Variants in MFSD2A observed in about 807,000 individuals in gnomAD.
The protein encoded by MFSD2A is MFSD2 lysolipid transporter A, lysophospholipid, also known as sodium-dependent lysophosphatidylcholine symporter 1.
MFSD2A carries 27 observed loss-of-function variants against 64.7 expected under a neutral mutation model. The ratio of observed to expected loss-of-function variants is 0.42; its 90% CI spans 0.31 to 0.58. The LOEUF is 0.58. Ranked by LOEUF, MFSD2A falls within the 20% of genes least tolerant of loss-of-function variation. The probability of loss-of-function intolerance (pLI) is 0.18; values close to 1 mark genes in which losing one functional copy is unlikely to be tolerated. For synonymous variants in MFSD2A, 258 were observed against 273.4 expected, an observed-to-expected ratio of 0.94 and a Z score of 0.55; for missense variants, 474 against 679.5, an observed-to-expected ratio of 0.70 and a Z score of 3.36.
rs890639562 is a variant in MFSD2A at position 39,958,537 on chromosome 1, CATT to C, written c.229-159_229-157del. 39 of 1,050,586 alleles carry C rather than the reference CATT, an allele frequency of 3.7e-5. No homozygotes were observed. The Admixed American group carries it at 6.1e-4, about 16-fold the overall frequency. 65.1% of individuals were successfully genotyped at this position (1,050,586 alleles called of 1,614,324 possible). A position where few individuals can be genotyped will look rare whatever the true frequency, so the allele number is the denominator to read the frequency against. On this transcript the variant is annotated intron_variant, in intron 2 of 13. Coordinates refer to ENST00000372811, the MANE Select transcript of MFSD2A (RefSeq NM_032793.5). This position sits in a 1 kb window ranked among gnomAD's most constrained non-coding sequence, Gnocchi z 4.7. The stretch of plus-strand genomic sequence containing the variant: ...ACTGTTATTGGAGAAATGCTATTGT[CATT>C]ATTAACAAGGCAAGTGAAGATGTGT...
rs1054787929 is a variant in MFSD2A, at chr1:39,955,707, G to T, written c.93+322G>T. On this transcript the variant is annotated intron_variant, in intron 1 of 13. Transcript: ENST00000372811. The surrounding 1 kb of genome is among the most constrained non-coding windows in gnomAD (Gnocchi z 5.9). Reference sequence around the variant, plus strand: ...CTGGGGCTTGCCGCCCCAAACCCCAGAGATGACCCCAGAAATCTGGGAAAC... The same window carrying T: ...CTGGGGCTTGCCGCCCCAAACCCCATAGATGACCCCAGAAATCTGGGAAAC... The T allele has an allele frequency of 1.5e-4, 85 of 580,244 alleles. 2 individuals are homozygous for T. The Admixed American group carries it at 1.8e-3, about 12-fold the overall frequency. The allele number at this position is 580,244 out of a possible 1,614,324, so 35.9% of individuals were successfully genotyped here.
In MFSD2A at chr1:39,960,051, C is replaced by A. The variant is rs1015551721; in HGVS notation, c.353+1226C>A. 6.6e-6 allele frequency among the ~76,000 whole-genome samples: 1 copy of A among 152,242 alleles called. No individual in the cohort carries two copies. Among genetic ancestry groups the A allele is most frequent in the Non-Finnish European group, 1.5e-5 (1 of 68,046 alleles). On this transcript the variant is annotated intron_variant, in intron 3 of 13. Transcript: ENST00000372811. This position sits in a 1 kb window ranked among gnomAD's most constrained non-coding sequence, Gnocchi z 4.8. ...CGGAATGGGGTAGCAAACCCATAAC[C>A]TTTGGCACCTTGGATGACGTAAATT...
rs558926160 is a variant in MFSD2A at position 39,959,141 on chromosome 1, C to T, written c.353+316C>T. ...CCACTCTATCACTTCCTGCAGTGGCCGAGGTAGTACTTAAGAGTGGTTAAG... is the reference window on the plus strand; with the variant it reads ...CCACTCTATCACTTCCTGCAGTGGCTGAGGTAGTACTTAAGAGTGGTTAAG... On this transcript the variant is annotated intron_variant, in intron 3 of 13. Coordinates refer to ENST00000372811, the MANE Select transcript of MFSD2A (RefSeq NM_032793.5). Among the ~76,000 whole-genome samples the T allele has an allele frequency of 4.6e-5, 7 of 152,180 alleles. No individual in the cohort carries two copies. The South Asian group carries it at 1.2e-3, about 27-fold the overall frequency.
Position 39,955,165 on chromosome 1 carries a change from C to T in MFSD2A, c.-128C>T, listed in dbSNP as rs998938650. 7.4e-6 allele frequency: 5 copies of T among 676,216 alleles called. No individual in the cohort carries two copies. Among genetic ancestry groups the T allele is most frequent in the Non-Finnish European group, 6.4e-6 (3 of 467,822 alleles). 41.9% of individuals were successfully genotyped at this position (676,216 alleles called of 1,614,324 possible). On this transcript the variant is annotated 5_prime_UTR_variant, in exon 1 of 14. Coordinates refer to ENST00000372811, the MANE Select transcript of MFSD2A (RefSeq NM_032793.5). The surrounding 1 kb of genome is among the most constrained non-coding windows in gnomAD (Gnocchi z 5.9). The stretch of plus-strand genomic sequence containing the variant: ...GCAGCAGAGTGCGTTCCTCGTCTGC[C>T]AGCCGGCTTGGCTAGCGCGCGGCGG...
Position 39,968,606 on chromosome 1 carries a change from G to C in MFSD2A, c.1390G>C (p.Glu464Gln), listed in dbSNP as rs772653228. Residue 464 changes from glutamate (E) to glutamine (Q), a missense_variant, in exon 13 of 14, where the codon GAA becomes CAA. By Grantham distance (29) the Glu-to-Gln change is conservative (BLOSUM62 2). Coordinates refer to ENST00000372811, the MANE Select transcript of MFSD2A (RefSeq NM_032793.5). This position sits in a 1 kb window ranked among gnomAD's most constrained non-coding sequence, Gnocchi z 4.4. ...CCAGACCCGTGGCTGCTCGCAGCCG[G>C]AACGTGTCAAGTTTACACTGAACAT... Reference protein sequence around the residue: ...GYQTRGCSQPERVKFTLNMLV... With the variant: ...GYQTRGCSQPQRVKFTLNMLV... 2.5e-6 allele frequency: 4 copies of C among 1,614,062 alleles called. No homozygotes were observed. Among genetic ancestry groups the C allele is most frequent in the Non-Finnish European group, 3.4e-6 (4 of 1,180,044 alleles).
chr1:39,965,489 T>G lies in MFSD2A; in HGVS notation c.496T>G (p.Ser166Ala). Residue 166 changes from serine to alanine, a missense_variant, in exon 5 of 14, where the codon TCG (serine) becomes GCG (alanine). By Grantham distance (99) the Ser-to-Ala change is moderately conservative (BLOSUM62 1). Transcript: ENST00000372811. This position sits in a 1 kb window ranked among gnomAD's most constrained non-coding sequence, Gnocchi z 5.5. The part of the protein sequence containing the change: ...TMVTCFHVPY[S>A]ALTMFISTEQ... ...ATGCCAGTGTTTCCATGTTCCCTAC[T>G]CGGCTCTCACCATGTTCATCAGCAC... 1.9e-6 allele frequency: 3 copies of G among 1,614,010 alleles called. No homozygotes were observed. The highest frequency in any genetic ancestry group is 2.5e-6 in the Non-Finnish European group (3 of 1,179,992).
Position 39,965,757 on chromosome 1 carries a change from C to A in MFSD2A, c.557-100C>A. On this transcript the variant is annotated intron_variant, in intron 5 of 13. Coordinates refer to ENST00000372811, the MANE Select transcript of MFSD2A (RefSeq NM_032793.5). This position sits in a 1 kb window ranked among gnomAD's most constrained non-coding sequence, Gnocchi z 5.5. ...TCACCTACCCCACTACCTCTACCCA[C>A]CCTGCCTGGAGCTACCGCTGGGCTC... The A allele has an allele frequency of 6.7e-7, 1 of 1,491,690 alleles. No individual in the cohort carries two copies. The highest frequency in any genetic ancestry group is 9.2e-7 in the Non-Finnish European group (1 of 1,088,140). 92.4% of individuals were successfully genotyped at this position (1,491,690 alleles called of 1,614,324 possible).
At position 39,958,976 on chromosome 1, in the gene MFSD2A, C is replaced by G. The variant is rs1644981208; in HGVS notation, c.353+151C>G. 1 of 923,490 alleles carries G rather than the reference C, an allele frequency of 1.1e-6. No individual in the cohort carries two copies. The highest frequency in any genetic ancestry group is 1.6e-6 in the Non-Finnish European group (1 of 618,878). 57.2% of individuals were successfully genotyped at this position (923,490 alleles called of 1,614,324 possible). The stretch of plus-strand genomic sequence containing the variant: ...GGTGTTGAAACCCCATCCGAGGCAT[C>G]AGCTACCCTGAGCACGGGCACTGGC... On this transcript the variant is annotated intron_variant, in intron 3 of 13. Coordinates refer to ENST00000372811, the MANE Select transcript of MFSD2A (RefSeq NM_032793.5). This position sits in a 1 kb window ranked among gnomAD's most constrained non-coding sequence, Gnocchi z 4.7.
chr1:39,966,839 A>G lies in MFSD2A; in HGVS notation c.834A>G (p.Pro278=), dbSNP rs2124778201. ...CCTATGAAGCCCAGCAGTCTGAGCC[A>G]ATCGCCTACTTCCGGGGCCTACGGC... ...REPYEAQQSE[P]IAYFRGLRLV... Residue 278 remains proline, a synonymous_variant, in exon 8 of 14, where the codon CCA becomes CCG. Coordinates refer to ENST00000372811, the MANE Select transcript of MFSD2A (RefSeq NM_032793.5). 6.2e-7 allele frequency: 1 copy of G among 1,614,082 alleles called. No homozygotes were observed. Among genetic ancestry groups the G allele is most frequent in the South Asian group, 1.1e-5 (1 of 91,086 alleles).
intron 11 of MFSD2A, 66 bp downstream of exon 11, chr1:39,967,982 T>C (rs1013535287): frequency 3.2e-5 from 32 of 1,005,296 alleles, no homozygotes; most frequent in Non-Finnish European, 4.3e-5. Context: ...TGAAGCTCCT[T>C]AGGGAGAGTT....
intron 3 of MFSD2A, chr1:39,962,649 G>C (rs1645069728): frequency 2.4e-6 from 2 of 844,596 alleles, no homozygotes; most frequent in Admixed American, 2.0e-5. Context: ...TGGCATCCGG[G>C]GCCGGGGTCA....
chr1:39,965,767 A>G lies in MFSD2A; in HGVS notation c.557-90A>G. ...CACTACCTCTACCCACCCTGCCTGG[A>G]GCTACCGCTGGGCTCCCACCCATTT... On this transcript the variant is annotated intron_variant, in intron 5 of 13. Coordinates refer to ENST00000372811, the MANE Select transcript of MFSD2A (RefSeq NM_032793.5). The surrounding 1 kb of genome is among the most constrained non-coding windows in gnomAD (Gnocchi z 5.5). 1.3e-6 allele frequency: 2 copies of G among 1,534,970 alleles called. No homozygotes were observed.
chr1:39,966,661 A>T lies in MFSD2A; in HGVS notation c.775A>T (p.Ile259Phe). 6.2e-7 allele frequency: 1 copy of T among 1,614,114 alleles called. No individual in the cohort carries two copies. Among genetic ancestry groups the T allele is most frequent in the South Asian group, 1.1e-5 (1 of 91,066 alleles). Residue 259 changes from isoleucine to phenylalanine, a missense_variant, in exon 7 of 14, where the codon ATC (isoleucine) becomes TTC (phenylalanine). Transcript: ENST00000372811. ...CTGTATCTATATAATCTGTGCTGTC[A>T]TCCTGATCCTGGGCGTGCGGGAGCA... The part of the protein sequence containing the change: ...IVCIYIICAV[I>F]LILGVREQRE...
chr1:39,958,678 TC>T lies in MFSD2A; in HGVS notation c.229-22del, dbSNP rs752674797. 4.2e-5 allele frequency: 68 copies of T among 1,613,988 alleles called. No individual in the cohort carries two copies. In the African/African-American group the frequency reaches 8.4e-4, roughly 20 times the overall value. On this transcript the variant is annotated intron_variant, in intron 2 of 13. Coordinates refer to ENST00000372811, the MANE Select transcript of MFSD2A (RefSeq NM_032793.5). This position sits in a 1 kb window ranked among gnomAD's most constrained non-coding sequence, Gnocchi z 4.7. ...GGCGAGTAGAAGGATGAGGAAGTTG[TC>T]TTTTGCTTCTCCTCATTCCAGGTGG...
Position 39,966,012 on chromosome 1 carries a change from A to G in MFSD2A, c.712A>G (p.Thr238Ala). The G allele has an allele frequency of 6.2e-7, 1 of 1,614,210 alleles. No individual in the cohort carries two copies. The highest frequency in any genetic ancestry group is 8.5e-7 in the Non-Finnish European group (1 of 1,180,024). Residue 238 changes from threonine to alanine, a missense_variant and splice_region_variant, in exon 6 of 14, where the codon ACG becomes GCG. Thr to Ala is a moderately conservative substitution (Grantham distance 58). Transcript: ENST00000372811. ...HTHGTTSHRETQKAYLLAAGV... is the reference protein window; with the variant it reads ...HTHGTTSHREAQKAYLLAAGV... Reference sequence around the variant, plus strand: ...ACATGGCACCACCTCACACAGGGAAACGGTGAGGCCCTGGGCAGGGCAGGG... The same window carrying G: ...ACATGGCACCACCTCACACAGGGAAGCGGTGAGGCCCTGGGCAGGGCAGGG...
rs1570238867 is a variant in MFSD2A at position 39,958,960 on chromosome 1, A to C, written c.353+135A>C. 9.3e-7 allele frequency: 1 copy of C among 1,075,528 alleles called. No homozygotes were observed. The highest frequency in any genetic ancestry group is 1.3e-6 in the Non-Finnish European group (1 of 755,436). The allele number at this position is 1,075,528 out of a possible 1,614,324, so 66.6% of individuals were successfully genotyped here. ...GAGTTAAAAGCCCAAGGGTGTTGAA[A>C]CCCCATCCGAGGCATCAGCTACCCT... is the stretch of plus-strand genomic sequence containing the variant. On this transcript the variant is annotated intron_variant, in intron 3 of 13. Coordinates refer to ENST00000372811, the MANE Select transcript of MFSD2A (RefSeq NM_032793.5). This position sits in a 1 kb window ranked among gnomAD's most constrained non-coding sequence, Gnocchi z 4.7.
chr1:39,968,344 C>A lies in MFSD2A; in HGVS notation c.1219C>A (p.Pro407Thr). The A allele has an allele frequency of 1.2e-6, 2 of 1,614,198 alleles. No homozygotes were observed. The highest frequency in any genetic ancestry group is 1.7e-6 in the Non-Finnish European group (2 of 1,180,026). ...CACTACTCTGCGCAGGTCCATGCTG[C>A]CTGATGTCATTGACGACTTCCATCT... ...AAFLLPWSML[P>T]DVIDDFHLKQ... The change falls in exon 12 of 14, where the codon CCT becomes ACT. Residue 407 changes from proline to threonine, a missense_variant. Coordinates refer to ENST00000372811, the MANE Select transcript of MFSD2A (RefSeq NM_032793.5). The surrounding 1 kb of genome is among the most constrained non-coding windows in gnomAD (Gnocchi z 4.4).
chr1:39,957,835 C>T (rs1286911997), intron 2 of MFSD2A: 1 of 151,588 alleles, frequency 6.6e-6, no homozygotes, highest in Non-Finnish European at 1.5e-5. Flanking sequence ...TACCGGGGCT[C>T]CTGCACCAGC....
At position 39,961,554 on chromosome 1, in the gene MFSD2A, A is replaced by G. The variant is rs56173134; in HGVS notation, c.353+2729A>G. ...AGTAGAGACGAGGTTTCACCGTGTT[A>G]GCCAAGATGGTCTCGATCTCCTGAC... is the stretch of plus-strand genomic sequence containing the variant. On this transcript the variant is annotated intron_variant, in intron 3 of 13. Coordinates refer to ENST00000372811, the MANE Select transcript of MFSD2A (RefSeq NM_032793.5). 8.7e-3 allele frequency among the ~76,000 whole-genome samples: 1,315 copies of G among 151,906 alleles called. 7 individuals are homozygous for G. Among genetic ancestry groups the G allele is most frequent in the Non-Finnish European group, 0.015 (998 of 67,934 alleles).
Sources: allele counts gnomAD v4.1 joint callset (sites outside exome capture counted in the v4.1 genomes callset), GRCh38; gene constraint gnomAD v4.1.1; non-coding constraint Gnocchi (gnomAD v3.1); transcripts MANE v1.5; gene names NCBI Gene and HGNC (gene_info 2026-07-23, HGNC 2026-07-21).